Variants in RHOT1 observed in about 807,000 individuals in gnomAD.
The protein encoded by RHOT1 is mitochondrial Rho GTPase 1.
RHOT1 carries 27 observed loss-of-function variants against 95.3 expected under a neutral mutation model. That is an observed-to-expected ratio of 0.28 (90% confidence interval 0.21 to 0.39). RHOT1 has a LOEUF of 0.39. Among genes scored for constraint, RHOT1 ranks in the 10% least tolerant of loss-of-function variants. RHOT1 has a pLI of 1.00. For synonymous variants in RHOT1, 227 were observed against 263.5 expected, an observed-to-expected ratio of 0.86 and a Z score of 1.34; for missense variants, 578 against 786.7, an observed-to-expected ratio of 0.73 and a Z score of 3.17.
chr17:32,176,728 A>G (rs915122241), intron 6 of RHOT1, among the ~76,000 whole-genome samples: 5 of 151,906 alleles, frequency 3.3e-5, no homozygotes, highest in Admixed American at 6.6e-5. Flanking sequence ...ATGTACCACC[A>G]TGCCTGGCTA....
At position 32,211,129 on chromosome 17, in the gene RHOT1, C is replaced by T. The variant is rs1452552839; in HGVS notation, c.1753C>T (p.Arg585Cys). The change falls in exon 19 of 20, where the codon CGC becomes TGC. Residue 585 changes from arginine to cysteine, a missense_variant. Around this residue, in one of 4 missense-constraint regions of RHOT1, gnomAD observed 296 missense variants for 338.5 expected, o/e 0.87. Coordinates refer to ENST00000545287, the MANE Select transcript of RHOT1 (RefSeq NM_001033566.3). ...TMAMYPHARL[R>C]CMCTCNRCTF... ...GTGTTTTCGCAGCCATGCCCGGTTA[C>T]GCTGTATGTGCACCTGCAACAGGTG... 9 of 1,607,964 alleles carry T rather than the reference C, an allele frequency of 5.6e-6. No individual in the cohort carries two copies. The highest frequency in any genetic ancestry group is 3.3e-5 in the South Asian group (3 of 90,434).
chr17:32,151,149 A>G (rs559008063), intron 1 of RHOT1: 19 of 804,846 alleles, frequency 2.4e-5, no homozygotes, highest in African/African-American at 2.2e-4. Context: ...TTTACTGTTG[A>G]CTCTGGTAGG....
chr17:32,144,393 C>A (rs28593588), intron 1 of RHOT1, among the ~76,000 whole-genome samples: 1,986 of 152,082 alleles, frequency 0.013, 41 homozygotes, highest in African/African-American at 0.046. Flanking sequence ...ACTAAAAATA[C>A]GAAAATTAGC....
chr17:32,167,405 C>T (rs2034186290), intron 1 of RHOT1, among the ~76,000 whole-genome samples: 1 of 151,806 alleles, frequency 6.6e-6, no homozygotes. Context: ...TGGCTCACTG[C>T]AAGCTCCGCC....
intron 1 of RHOT1, among the ~76,000 whole-genome samples, chr17:32,154,572 G>A (rs1392131395): frequency 1.1e-4 from 14 of 131,264 alleles, no homozygotes; most frequent in African/African-American, 4.1e-4. Flanking sequence ...GGGCGACAGA[G>A]CAAGGCTCCA....
chr17:32,184,045 A>T (rs1425562309), intron 8 of RHOT1, among the ~76,000 whole-genome samples: 1 of 152,188 alleles, frequency 6.6e-6, no homozygotes, highest in Non-Finnish European at 1.5e-5. Flanking sequence ...AAAATTTAAT[A>T]TTTTGCCATA....
intron 19 of RHOT1, among the ~76,000 whole-genome samples, chr17:32,220,376 TAATAA>T (rs1390298845): frequency 3.3e-5 from 5 of 151,832 alleles, no homozygotes; most frequent in African/African-American, 7.3e-5. Flanking sequence ...AAAAGTAAAA[TAATAA>T]AATAAAAGGA....
Position 32,193,260 on chromosome 17 carries a change from T to A in RHOT1, c.748+16T>A, listed in dbSNP as rs751394014. The A allele has an allele frequency of 6.6e-7, 1 of 1,511,862 alleles. No individual in the cohort carries two copies. The highest frequency in any genetic ancestry group is 9.2e-7 in the Non-Finnish European group (1 of 1,088,520). 93.7% of individuals were successfully genotyped at this position (1,511,862 alleles called of 1,614,324 possible). A position where few individuals can be genotyped will look rare whatever the true frequency, so the allele number is the denominator to read the frequency against. On this transcript the variant is annotated intron_variant, in intron 10 of 19. Transcript: ENST00000545287. Reference sequence around the variant, plus strand: ...ACCCTGAAAGGTGGGTAAATGGTATTTTTCCCCCTTTTGAAACTTAATATT... The same window carrying A: ...ACCCTGAAAGGTGGGTAAATGGTATATTTCCCCCTTTTGAAACTTAATATT...
intron 6 of RHOT1, among the ~76,000 whole-genome samples, chr17:32,182,230 A>G (rs55991101): frequency 0.045 from 6,917 of 152,244 alleles, 532 homozygotes; most frequent in African/African-American, 0.16. Flanking sequence ...GCCCAGGCAT[A>G]GTAGCTCATA....
Position 32,193,165 on chromosome 17 carries a change from T to A in RHOT1, c.669T>A (p.Pro223=). 1.2e-6 allele frequency: 2 copies of A among 1,612,980 alleles called. No individual in the cohort carries two copies. The highest frequency in any genetic ancestry group is 1.7e-6 in the Non-Finnish European group (2 of 1,179,244). The change falls in exon 10 of 20, where the codon CCT becomes CCA. Residue 223 remains proline, a synonymous_variant. Coordinates refer to ENST00000545287, the MANE Select transcript of RHOT1 (RefSeq NM_001033566.3). ...QRICFNTPLA[P]QALEDVKNVV... ...TTTGTTTCAACACTCCATTAGCTCC[T>A]CAAGCTCTGGAGGATGTCAAGAATG...
intron 1 of RHOT1, among the ~76,000 whole-genome samples, chr17:32,157,245 T>G (rs2033056480): frequency 6.6e-6 from 1 of 152,260 alleles, no homozygotes; most frequent in Non-Finnish European, 1.5e-5. Flanking sequence ...GTTTCAAATT[T>G]GTGCTCCTAA....
intron 1 of RHOT1, among the ~76,000 whole-genome samples, chr17:32,160,827 C>T (rs2033469973): frequency 6.6e-6 from 1 of 152,202 alleles, no homozygotes; most frequent in South Asian, 2.1e-4. Flanking sequence ...TCACCTTTGG[C>T]AGGCGTGGGA....
At chr17:32,211,383 A>G (rs1387294919) in intron 19 of RHOT1, 145 bp downstream of exon 19, 1 of 636,686 alleles carries the variant, frequency 1.6e-6, no homozygotes, top group East Asian at 3.0e-5. Flanking sequence ...CACTGTGATG[A>G]CAATGTTTAG....
intron 17 of RHOT1, 74 bp downstream of exon 17, chr17:32,207,103 C>T (rs1238097421): frequency 7.3e-7 from 1 of 1,375,942 alleles, no homozygotes; most frequent in East Asian, 2.4e-5. Flanking sequence ...TGTGGTGTTT[C>T]CTAACCACAA....
chr17:32,150,908 T>A, intron 1 of RHOT1: 1 of 1,546,490 alleles, frequency 6.5e-7, no homozygotes, highest in Non-Finnish European at 8.8e-7. Flanking sequence ...CTGGGGGAGG[T>A]GGGCACATTC....
chr17:32,157,523 A>G (rs922501211), intron 1 of RHOT1, among the ~76,000 whole-genome samples: 6 of 152,170 alleles, frequency 3.9e-5, no homozygotes, highest in African/African-American at 1.2e-4. Flanking sequence ...TTAAGAATAC[A>G]TGTGTTGGCT....
intron 8 of RHOT1, among the ~76,000 whole-genome samples, chr17:32,190,987 G>T (rs1212337123): frequency 1.3e-5 from 2 of 152,140 alleles, no homozygotes; most frequent in African/African-American, 2.4e-5. Flanking sequence ...TAGAGACAGG[G>T]TTTCGCCATG....
At chr17:32,173,797 G>T in intron 2 of RHOT1, 34 bp from the exon 3 acceptor site, 6 of 1,085,012 alleles carry the variant, frequency 5.5e-6, no homozygotes, top group Non-Finnish European at 6.5e-6. Context: ...ATTCAAAGGT[G>T]TTTTTTTTTT....
chr17:32,174,105 G>A (rs148281549), intron 3 of RHOT1, among the ~76,000 whole-genome samples, 193 bp downstream of exon 3: 89 of 152,264 alleles, frequency 5.8e-4, no homozygotes, highest in African/African-American at 1.8e-3. Context: ...CCATCTGACA[G>A]TTCTTCGTCC....
Sources: allele counts gnomAD v4.1 joint callset (sites outside exome capture counted in the v4.1 genomes callset), GRCh38; gene constraint gnomAD v4.1.1; regional missense constraint gnomAD v4.1.1; transcripts MANE v1.5; gene names NCBI Gene and HGNC (gene_info 2026-07-23, HGNC 2026-07-21).